The following SLC24A2 variants were observed in gnomAD, a reference collection of about 807,000 sequenced individuals.
SLC24A2 encodes the protein solute carrier family 24 member 2.
SLC24A2 carries 36 observed loss-of-function variants against 62.0 expected under a neutral mutation model. That is an observed-to-expected ratio of 0.58 (90% CI 0.44 to 0.77). SLC24A2 has a LOEUF of 0.77. Among genes scored for constraint, SLC24A2 ranks in the 30% least tolerant of loss-of-function variants. The probability of loss-of-function intolerance (pLI) is 0.00; values close to 1 mark genes in which losing one functional copy is unlikely to be tolerated. For synonymous variants in SLC24A2, 358 were observed against 294.0 expected (o/e 1.22, Z -2.23); for missense variants, 846 against 817.9 (o/e 1.03, Z -0.42).
the SLC24A2 span, among the ~76,000 whole-genome samples, chr9:20,014,517 T>TATATATATATATATATACAC: frequency 6.7e-6 from 1 of 148,390 alleles, no homozygotes; most frequent in African/African-American, 2.5e-5. Context: ...TATATATATA[T>TATATATATATATATATACAC]ACACACACAC....
At chr9:19,831,604 T>C in the SLC24A2 span, among the ~76,000 whole-genome samples, 1 of 152,342 alleles carries the variant, frequency 6.6e-6, no homozygotes, top group African/African-American at 2.4e-5. Flanking sequence ...TTCATAGGTT[T>C]TTTATTTCCC....
At chr9:20,193,499 T>C in the SLC24A2 span, among the ~76,000 whole-genome samples, 2 of 151,830 alleles carry the variant, frequency 1.3e-5, no homozygotes, top group African/African-American at 2.4e-5. Flanking sequence ...AGAAATTATA[T>C]ATAATTTATT....
At chr9:19,855,634 T>C in the SLC24A2 span, among the ~76,000 whole-genome samples, 1 of 152,216 alleles carries the variant, frequency 6.6e-6, no homozygotes, top group Non-Finnish European at 1.5e-5. Flanking sequence ...TCTTCTGGCT[T>C]GTAGGGTTTC....
At chr9:19,873,883 C>G in the SLC24A2 span, among the ~76,000 whole-genome samples, 5 of 152,046 alleles carry the variant, frequency 3.3e-5, no homozygotes, top group African/African-American at 9.7e-5. Context: ...CCATCAAAAT[C>G]CCAGTTTCTA....
chr9:20,075,266 A>T, the SLC24A2 span, among the ~76,000 whole-genome samples: 447 of 152,324 alleles, frequency 2.9e-3, 2 homozygotes, highest in African/African-American at 9.9e-3. Context: ...TGAGTGCTTT[A>T]CATATTTTAT....
the SLC24A2 span, among the ~76,000 whole-genome samples, chr9:20,096,113 GTCCGTCCGTCCA>G: frequency 4.7e-5 from 7 of 147,824 alleles, no homozygotes; most frequent in Non-Finnish European, 1.1e-4. Context: ...CCGTCCGTCC[GTCCGTCCGTCCA>G]TCCTATTGAT....
In SLC24A2 at chr9:19,507,592, A is replaced by C. The variant is rs1311462374; in HGVS notation, c.*8561T>G. The C allele has an allele frequency of 6.6e-6, 1 of 152,280 alleles. No individual in the cohort carries two copies. Among genetic ancestry groups the C allele is most frequent in the East Asian group, 1.9e-4 (1 of 5,204 alleles). 9.4% of individuals were successfully genotyped at this position (152,280 alleles called of 1,614,324 possible). A position where few individuals can be genotyped will look rare whatever the true frequency, so the allele number is the denominator to read the frequency against. On this transcript the variant is annotated 3_prime_UTR_variant, in exon 11 of 11. Transcript: ENST00000341998. Reference sequence around the variant, plus strand: ...AGTGAAACAAGAAGAAACACCCTTTATCAGAATGAAGTCCATGTGACAGAA... The same window carrying C: ...AGTGAAACAAGAAGAAACACCCTTTCTCAGAATGAAGTCCATGTGACAGAA...
the SLC24A2 span, among the ~76,000 whole-genome samples, chr9:20,186,612 T>A: frequency 2.0e-5 from 3 of 152,134 alleles, no homozygotes; most frequent in Non-Finnish European, 4.4e-5. Context: ...CATTCCCAAG[T>A]TCAAATCCTA....
intron 8 of SLC24A2, 111 bp from the exon 9 acceptor site, chr9:19,528,249 C>A: frequency 1.3e-6 from 1 of 758,790 alleles, no homozygotes; most frequent in Non-Finnish European, 2.3e-6. Flanking sequence ...TTTCCTGCAT[C>A]TTAGTAGGAT....
the SLC24A2 span, among the ~76,000 whole-genome samples, chr9:20,025,847 G>A: frequency 2.6e-5 from 4 of 152,126 alleles, no homozygotes; most frequent in Admixed American, 1.3e-4. Context: ...TCTGCTCAGT[G>A]AACAGAGGAG....
the SLC24A2 span, among the ~76,000 whole-genome samples, chr9:19,992,684 CAT>C: frequency 6.6e-6 from 1 of 152,180 alleles, no homozygotes; most frequent in Non-Finnish European, 1.5e-5. Flanking sequence ...TTACTCATCT[CAT>C]AGGAAAAAAT....
chr9:19,991,466 A>C, the SLC24A2 span, among the ~76,000 whole-genome samples: 3 of 152,012 alleles, frequency 2.0e-5, no homozygotes, highest in African/African-American at 4.8e-5. Context: ...TCAAATGTTA[A>C]TCTCCTTTGG....
the SLC24A2 span, among the ~76,000 whole-genome samples, chr9:20,048,224 C>T: frequency 2.0e-4 from 31 of 152,242 alleles, no homozygotes; most frequent in South Asian, 5.6e-3. Context: ...TAGCACACTG[C>T]CTAGCACATA....
At chr9:19,932,598 C>G in the SLC24A2 span, among the ~76,000 whole-genome samples, 1 of 152,112 alleles carries the variant, frequency 6.6e-6, no homozygotes, top group Non-Finnish European at 1.5e-5. Flanking sequence ...TGAGAATTTA[C>G]CTAAGTTCAC....
upstream of SLC24A2, among the ~76,000 whole-genome samples, chr9:19,790,624 A>T (rs1161365057): frequency 6.6e-6 from 1 of 152,196 alleles, no homozygotes; most frequent in Non-Finnish European, 1.5e-5. Flanking sequence ...ACAACTGAAC[A>T]GATTGATTGC....
chr9:20,186,413 G>A, the SLC24A2 span, among the ~76,000 whole-genome samples: 2 of 151,996 alleles, frequency 1.3e-5, no homozygotes, highest in Non-Finnish European at 2.9e-5. Context: ...TCCCTGGTAC[G>A]GACTCTCTCT....
intron 2 of SLC24A2, among the ~76,000 whole-genome samples, chr9:19,687,700 C>T (rs1313560570): frequency 4.6e-5 from 7 of 152,054 alleles, no homozygotes; most frequent in Admixed American, 2.0e-4. Context: ...CTGGCTTTGA[C>T]CTTTGCATTC....
intron 2 of SLC24A2, among the ~76,000 whole-genome samples, chr9:19,718,456 CTAT>C (rs1443029225): frequency 9.0e-5 from 6 of 66,908 alleles, no homozygotes; most frequent in Admixed American, 3.6e-4. Flanking sequence ...CCATGCCTGG[CTAT>C]TTTTTTTTTT....
At chr9:20,067,064 T>A in the SLC24A2 span, among the ~76,000 whole-genome samples, 12 of 152,192 alleles carry the variant, frequency 7.9e-5, no homozygotes, top group African/African-American at 2.9e-4. Context: ...TTGTTCTAGA[T>A]GGTATTTTTT....
Sources: allele counts gnomAD v4.1 joint callset (sites outside exome capture counted in the v4.1 genomes callset), GRCh38; gene constraint gnomAD v4.1.1; transcripts MANE v1.5; gene names NCBI Gene and HGNC (gene_info 2026-07-23, HGNC 2026-07-21).